Variants in CPNE4 observed in about 807,000 individuals in gnomAD.
CPNE4 encodes copine-4.
In CPNE4, 25 loss-of-function variants were observed where a neutral mutation model predicts 67.9. That is an observed-to-expected ratio of 0.37 (90% confidence interval 0.27 to 0.51). The LOEUF (loss-of-function observed/expected upper bound fraction) is 0.51, where lower values mean the gene tolerates loss of function less well. CPNE4 is among the 20% of genes least tolerant of loss of function. The pLI is 0.93. For missense variants in CPNE4, 464 were observed against 690.8 expected, an observed-to-expected ratio of 0.67 and a Z score of 3.68; for synonymous variants, 242 against 244.9, an observed-to-expected ratio of 0.99 and a Z score of 0.11.
intron 10 of CPNE4, among the ~76,000 whole-genome samples, chr3:131,567,606 C>T (rs942553968): frequency 2.6e-5 from 4 of 151,894 alleles, no homozygotes. Flanking sequence ...CATTTTCATT[C>T]CTATCAACTC....
At chr3:131,592,004 T>C (rs2107708736) in intron 7 of CPNE4, among the ~76,000 whole-genome samples, 1 of 152,308 alleles carries the variant, frequency 6.6e-6, no homozygotes, top group South Asian at 2.1e-4. Context: ...AGTTTAGGTA[T>C]AATATCTTTA....
At chr3:131,583,050 G>A (rs370064737) in intron 8 of CPNE4, among the ~76,000 whole-genome samples, 14 of 152,324 alleles carry the variant, frequency 9.2e-5, no homozygotes, top group African/African-American at 3.4e-4. Context: ...AACTACATAG[G>A]ATTTGGAAGA....
chr3:131,831,679 A>G (rs910507550), intron 2 of CPNE4, among the ~76,000 whole-genome samples: 4 of 152,172 alleles, frequency 2.6e-5, no homozygotes, highest in Non-Finnish European at 5.9e-5. Flanking sequence ...AGGATAAAAA[A>G]TTTTAAGGGA....
intron 5 of CPNE4, among the ~76,000 whole-genome samples, chr3:131,688,672 AT>A (rs1055135347): frequency 3.3e-5 from 5 of 151,956 alleles, no homozygotes; most frequent in Non-Finnish European, 7.4e-5. Context: ...GAACTTTCTC[AT>A]TTTTTCCCTC....
At chr3:131,766,907 A>C (rs1341836336) in intron 2 of CPNE4, among the ~76,000 whole-genome samples, 4 of 152,160 alleles carry the variant, frequency 2.6e-5, no homozygotes, top group African/African-American at 9.7e-5. Context: ...AGTGATGCTC[A>C]TCACAAGCAA....
chr3:131,605,952 A>G (rs961135008), intron 7 of CPNE4, among the ~76,000 whole-genome samples: 2 of 152,170 alleles, frequency 1.3e-5, no homozygotes, highest in African/African-American at 4.8e-5. Context: ...AAGTACCATA[A>G]GTCTCTGAAC....
intron 2 of CPNE4, among the ~76,000 whole-genome samples, chr3:131,730,337 T>C (rs1180836543): frequency 6.6e-6 from 1 of 152,208 alleles, no homozygotes; most frequent in Non-Finnish European, 1.5e-5. Flanking sequence ...TTACAAATGA[T>C]CCTATTAAAT....
intron 7 of CPNE4, among the ~76,000 whole-genome samples, chr3:131,637,856 G>A (rs2079434190): frequency 6.6e-6 from 1 of 152,130 alleles, no homozygotes; most frequent in South Asian, 2.1e-4. Flanking sequence ...AGCCCTACAA[G>A]CTAGAAGGGA....
intron 1 of CPNE4, among the ~76,000 whole-genome samples, chr3:131,996,515 G>A (rs1447332571): frequency 6.6e-6 from 1 of 151,524 alleles, no homozygotes; most frequent in Non-Finnish European, 1.5e-5. Flanking sequence ...AAAGGGGAGA[G>A]AGAGTCCACG....
At chr3:131,649,926 C>A (rs907306676) in intron 7 of CPNE4, among the ~76,000 whole-genome samples, 1 of 152,148 alleles carries the variant, frequency 6.6e-6, no homozygotes, top group African/African-American at 2.4e-5. Flanking sequence ...AGGCTGAAAT[C>A]TAGGTGTCAG....
chr3:131,748,326 T>C (rs1457122870), intron 2 of CPNE4, among the ~76,000 whole-genome samples: 1 of 152,052 alleles, frequency 6.6e-6, no homozygotes, highest in Non-Finnish European at 1.5e-5. Flanking sequence ...TAGTGTATAA[T>C]TCTTTTTATA....
In CPNE4 at chr3:131,893,264, C is replaced by A. The variant is rs187502082; in HGVS notation, c.180+12000G>T. 3.3e-5 allele frequency among the ~76,000 whole-genome samples: 5 copies of A among 151,942 alleles called. No homozygotes were observed. In the East Asian group the frequency reaches 7.7e-4, roughly 23 times the overall value. ...CGTTATAATAAAGGAATCAATTCAA[C>A]AAAGAATATAACAATTGTAAATATA... On this transcript the variant is annotated intron_variant, in intron 2 of 15. Coordinates refer to ENST00000429747, the MANE Select transcript of CPNE4 (RefSeq NM_130808.3).
chr3:132,037,065 G>A (rs552162895), upstream of CPNE4, among the ~76,000 whole-genome samples: 3 of 152,354 alleles, frequency 2.0e-5, no homozygotes, highest in East Asian at 5.8e-4. Context: ...AGTCTCTAAA[G>A]GGGCAGCTAG....
At chr3:131,620,052 T>C (rs932270593) in intron 7 of CPNE4, among the ~76,000 whole-genome samples, 6 of 152,120 alleles carry the variant, frequency 3.9e-5, no homozygotes, top group Admixed American at 1.3e-4. Flanking sequence ...GCAAAAGTAG[T>C]GAGTGGCCAT....
In CPNE4 at chr3:131,778,061, C is replaced by T. The variant is rs980931741; in HGVS notation, c.181-54436G>A. On this transcript the variant is annotated intron_variant, in intron 2 of 15. Transcript: ENST00000429747. ...CCATTTTTACAAACTGCTGTTTGCA[C>T]AGGAAGCCTGCCTTGGTCTTGCCCT... 1.4e-4 allele frequency among the ~76,000 whole-genome samples: 21 copies of T among 152,144 alleles called. 1 individual carries two copies.
At chr3:131,698,233 C>CAAAAAAAAAAAAAAAAAAAAAA (rs369274504) in intron 4 of CPNE4, among the ~76,000 whole-genome samples, 28 of 64,454 alleles carry the variant, frequency 4.3e-4, no homozygotes, top group South Asian at 6.0e-4. Context: ...GGCTCTGTCT[C>CAAAAAAAAAAAAAAAAAAAAAA]AAAAAAAAAA....
chr3:131,676,558 A>C (rs1373654267), intron 6 of CPNE4, among the ~76,000 whole-genome samples: 2 of 151,984 alleles, frequency 1.3e-5, no homozygotes, highest in East Asian at 3.9e-4. Flanking sequence ...GATAGGCCCC[A>C]GTGTGTGTTG....
chr3:131,698,233 CAAAAAAAAA>C (rs369274504), intron 4 of CPNE4, among the ~76,000 whole-genome samples: 2 of 64,450 alleles, frequency 3.1e-5, no homozygotes, highest in Non-Finnish European at 5.3e-5. Context: ...GGCTCTGTCT[CAAAAAAAAA>C]AAAAAAAAAA....
intron 2 of CPNE4, among the ~76,000 whole-genome samples, chr3:131,793,625 CT>C (rs35416006): frequency 6.6e-6 from 1 of 152,144 alleles, no homozygotes; most frequent in Admixed American, 6.5e-5. Context: ...AAATCTATTT[CT>C]TTTTTAAAAC....
Sources: gnomAD v4.1 joint callset for allele counts (sites outside exome capture counted in the v4.1 genomes callset) on GRCh38, gnomAD v4.1.1 for gene constraint, MANE v1.5 for transcripts, NCBI Gene and HGNC (gene_info 2026-07-23, HGNC 2026-07-21) for gene names.